The following CNTNAP2 variants were observed in gnomAD, a reference collection of about 807,000 sequenced individuals.
CNTNAP2 encodes the protein contactin-associated protein-like 2.
Under a neutral mutation model 155.2 loss-of-function variants are expected in CNTNAP2, and 98 were observed. That is an observed-to-expected ratio of 0.63 (90% confidence interval 0.54 to 0.75). The LOEUF (loss-of-function observed/expected upper bound fraction) is 0.75. Among genes scored for constraint, CNTNAP2 ranks in the 30% least tolerant of loss-of-function variants. The pLI, the probability that CNTNAP2 is intolerant of heterozygous loss-of-function variation, is 0.00. For synonymous variants in CNTNAP2, 651 were observed against 631.2 expected (o/e 1.03, Z -0.47); for missense variants, 1,727 against 1,688.1 (o/e 1.02, Z -0.40).
chr7:147,585,530 G>C (rs1337844606), intron 12 of CNTNAP2, among the ~76,000 whole-genome samples: 13 of 150,194 alleles, frequency 8.7e-5, no homozygotes, highest in Non-Finnish European at 1.9e-4. Context: ...GATATATATA[G>C]ATCTATATAT....
intron 18 of CNTNAP2, among the ~76,000 whole-genome samples, chr7:148,178,538 A>G (rs1031351859): frequency 2.0e-5 from 3 of 152,186 alleles, no homozygotes; most frequent in Admixed American, 2.0e-4. Flanking sequence ...ATATTTTATA[A>G]TCTGTATTAT....
At chr7:146,457,526 A>G (rs1309419784) in intron 1 of CNTNAP2, among the ~76,000 whole-genome samples, 3 of 62,728 alleles carry the variant, frequency 4.8e-5, no homozygotes, top group Non-Finnish European at 6.1e-5. Flanking sequence ...ATATATATAT[A>G]TATATATATA....
intron 13 of CNTNAP2, among the ~76,000 whole-genome samples, chr7:147,886,217 A>G (rs1799596106): frequency 6.6e-6 from 1 of 152,120 alleles, no homozygotes; most frequent in South Asian, 2.1e-4. Context: ...TCACGCCTGT[A>G]ATCCTAGCAC....
intron 1 of CNTNAP2, among the ~76,000 whole-genome samples, chr7:146,419,616 A>G (rs1029527742): frequency 1.5e-4 from 23 of 152,280 alleles, no homozygotes; most frequent in African/African-American, 5.5e-4. Flanking sequence ...CAAGAGTTGA[A>G]TAGACATTTT....
chr7:148,089,801 G>A (rs922709494), intron 15 of CNTNAP2, among the ~76,000 whole-genome samples: 3 of 151,646 alleles, frequency 2.0e-5, no homozygotes, highest in African/African-American at 7.3e-5. Context: ...AAATTCGTAT[G>A]GAACCACAAA....
rs75412772 is a variant in CNTNAP2 at position 148,347,912 on chromosome 7, A to G, written c.3476-35737A>G. On this transcript the variant is annotated intron_variant, in intron 21 of 23. Transcript: ENST00000361727. ...CAGCTCTAAGCTGCTTGCTGCAAAC[A>G]TCCTGTAGTTCTCGTCAATTCAAAC... is the stretch of plus-strand genomic sequence containing the variant. 1.1e-3 allele frequency among the ~76,000 whole-genome samples: 166 copies of G among 152,292 alleles called. 1 individual carries two copies. Among genetic ancestry groups the G allele is most frequent in the African/African-American group, 3.8e-3 (156 of 41,564 alleles).
At chr7:146,882,297 A>G (rs887052396) in intron 3 of CNTNAP2, among the ~76,000 whole-genome samples, 4 of 152,008 alleles carry the variant, frequency 2.6e-5, no homozygotes, top group Non-Finnish European at 4.4e-5. Flanking sequence ...TTTTTGGCAG[A>G]ATGATTTATT....
intron 1 of CNTNAP2, among the ~76,000 whole-genome samples, chr7:146,516,423 A>G (rs1449770209): frequency 6.6e-6 from 1 of 152,034 alleles, no homozygotes; most frequent in Admixed American, 6.6e-5. Flanking sequence ...AAGGTAATGC[A>G]AGAATCTATT....
chr7:147,421,713 T>C (rs1797294036), intron 10 of CNTNAP2, among the ~76,000 whole-genome samples: 1 of 151,946 alleles, frequency 6.6e-6, no homozygotes, highest in African/African-American at 2.4e-5. Context: ...ATGTTATCAA[T>C]GGGGCCTGGT....
At chr7:148,398,536 G>A (rs956150137) in intron 22 of CNTNAP2, among the ~76,000 whole-genome samples, 4 of 152,224 alleles carry the variant, frequency 2.6e-5, no homozygotes, top group Admixed American at 6.5e-5. Flanking sequence ...TCCATCCACA[G>A]CCAAAGTATG....
intron 13 of CNTNAP2, among the ~76,000 whole-genome samples, chr7:147,833,311 G>T (rs892888879): frequency 7.2e-5 from 11 of 152,198 alleles, no homozygotes; most frequent in African/African-American, 2.6e-4. Context: ...CCATAATTAA[G>T]GAGCTGCGTG....
chr7:147,782,096 T>C (rs192008853), intron 13 of CNTNAP2, among the ~76,000 whole-genome samples: 127 of 152,126 alleles, frequency 8.3e-4, no homozygotes, highest in African/African-American at 2.8e-3. Flanking sequence ...GGCCAGGATG[T>C]TGATTTTGTT....
At chr7:147,212,569 C>T (rs975082879) in intron 8 of CNTNAP2, among the ~76,000 whole-genome samples, 1 of 152,068 alleles carries the variant, frequency 6.6e-6, no homozygotes, top group Non-Finnish European at 1.5e-5. Context: ...CAACAGTAGA[C>T]ACTGGGGACA....
chr7:146,159,684 A>C (rs187727962), intron 1 of CNTNAP2, among the ~76,000 whole-genome samples: 30 of 152,348 alleles, frequency 2.0e-4, no homozygotes, highest in Non-Finnish European at 3.4e-4. Context: ...CAACAAGAAG[A>C]GCTAACTATC....
chr7:147,083,552 A>ATATATATATATACACATATATATG (rs1563070309), intron 4 of CNTNAP2, among the ~76,000 whole-genome samples: 7 of 127,712 alleles, frequency 5.5e-5, no homozygotes, highest in African/African-American at 1.5e-4. Context: ...ATATATATGT[A>ATATATATATATACACATATATATG]TATATATATA....
At chr7:148,342,584 A>C (rs963929953) in intron 21 of CNTNAP2, among the ~76,000 whole-genome samples, 1 of 152,222 alleles carries the variant, frequency 6.6e-6, no homozygotes, top group African/African-American at 2.4e-5. Flanking sequence ...GCTTTTACGA[A>C]TAATCATAGT....
At chr7:147,779,928 C>T (rs999846727) in intron 13 of CNTNAP2, among the ~76,000 whole-genome samples, 7 of 152,174 alleles carry the variant, frequency 4.6e-5, no homozygotes, top group African/African-American at 1.7e-4. Context: ...TTAACAAATA[C>T]ATAGCTCACA....
intron 8 of CNTNAP2, among the ~76,000 whole-genome samples, chr7:147,176,401 A>G (rs1802338635): frequency 6.6e-6 from 1 of 152,054 alleles, no homozygotes; most frequent in Admixed American, 6.6e-5. Flanking sequence ...ACCTTTAAAC[A>G]GACATTTACC....
chr7:148,007,011 CA>C (rs1464188540), intron 15 of CNTNAP2, among the ~76,000 whole-genome samples: 2 of 152,268 alleles, frequency 1.3e-5, no homozygotes, highest in South Asian at 2.1e-4. Context: ...TATATAAATA[CA>C]AGGGTCATTT....
Sources: gnomAD v4.1 joint callset for allele counts (sites outside exome capture counted in the v4.1 genomes callset) on GRCh38, gnomAD v4.1.1 for gene constraint, MANE v1.5 for transcripts, NCBI Gene and HGNC (gene_info 2026-07-23, HGNC 2026-07-21) for gene names.